ABCD4: variants seen among roughly 807,000 people sequenced by gnomAD.
The protein encoded by ABCD4 is lysosomal cobalamin transporter ABCD4.
In ABCD4, 53 loss-of-function variants were observed where a neutral mutation model predicts 86.3. That is an observed-to-expected ratio of 0.61 (90% CI 0.49 to 0.77). The LOEUF (loss-of-function observed/expected upper bound fraction) is 0.77. Among genes scored for constraint, ABCD4 ranks in the 30% least tolerant of loss-of-function variants. The pLI is 0.00. For synonymous variants in ABCD4, 328 were observed against 313.6 expected (o/e 1.05, Z -0.49); for missense variants, 757 against 764.5 (o/e 0.99, Z 0.12).
rs1410601095 is a variant in ABCD4, at chr14:74,295,986, T to C, written c.543-7A>G. On this transcript the variant is annotated splice_polypyrimidine_tract_variant and splice_region_variant and intron_variant, in intron 5 of 18. Coordinates refer to ENST00000356924, the MANE Select transcript of ABCD4 (RefSeq NM_005050.4). ...AGGCCCGAGCCAGCCTGTGCTGAAA[T>C]AGAGAGAGAGGGAGAGAAGGGAGAG... is the stretch of plus-strand genomic sequence containing the variant. The C allele has an allele frequency of 1.8e-5, 29 of 1,597,612 alleles. No homozygotes were observed. Among genetic ancestry groups the C allele is most frequent in the Admixed American group, 3.6e-5 (2 of 55,424 alleles).
rs773414987 is a variant in ABCD4 at position 74,288,770 on chromosome 14, A to G, written c.1457-5T>C. The G allele has an allele frequency of 5.0e-6, 8 of 1,613,252 alleles. No homozygotes were observed. In the South Asian group the frequency reaches 8.8e-5, roughly 18 times the overall value. On this transcript the variant is annotated splice_polypyrimidine_tract_variant and splice_region_variant and intron_variant, in intron 14 of 18. Transcript: ENST00000356924. ...TCCTCTCATCATCGGCAGAACCTGC[A>G]CAACAAAGAAGCCTTCTGCAAAAAG...
chr14:74,301,848 G>A (rs1441350246), intron 1 of ABCD4, among the ~76,000 whole-genome samples: 1 of 152,056 alleles, frequency 6.6e-6, no homozygotes, highest in Non-Finnish European at 1.5e-5. Flanking sequence ...GCAGTGAGCC[G>A]AGATCATGCC....
intron 1 of ABCD4, among the ~76,000 whole-genome samples, chr14:74,301,255 G>C (rs929349648): frequency 2.6e-5 from 4 of 151,982 alleles, no homozygotes; most frequent in East Asian, 3.9e-4. Context: ...TGCCTCCCGG[G>C]TTCAAGCGAC....
chr14:74,299,097 C>G (rs1399579667), intron 3 of ABCD4: 1 of 157,154 alleles, frequency 6.4e-6, no homozygotes, highest in Admixed American at 6.2e-5. Flanking sequence ...AGGTGGTAGC[C>G]CCCCTACTGA....
intron 4 of ABCD4, chr14:74,296,722 G>A (rs1257561506): frequency 1.4e-5 from 6 of 418,554 alleles, no homozygotes; most frequent in Admixed American, 7.7e-5. Context: ...AGGGGCCTGA[G>A]CCAGCTCTGA....
At chr14:74,291,410 T>C (rs2081458616) in intron 11 of ABCD4, among the ~76,000 whole-genome samples, 1 of 152,210 alleles carries the variant, frequency 6.6e-6, no homozygotes, top group African/African-American at 2.4e-5. Context: ...GCTAAGTAAC[T>C]GCCCAGGTTG....
intron 17 of ABCD4, among the ~76,000 whole-genome samples, chr14:74,287,566 A>G (rs866162320): frequency 4.0e-5 from 6 of 148,312 alleles, no homozygotes; most frequent in African/African-American, 7.9e-5. Flanking sequence ...AAAAAAAAAA[A>G]AAAAGAAAAG....
chr14:74,291,896 A>G (rs975076415), intron 11 of ABCD4, among the ~76,000 whole-genome samples: 1 of 152,196 alleles, frequency 6.6e-6, no homozygotes, highest in African/African-American at 2.4e-5. Flanking sequence ...GCACAGAAAT[A>G]TTACAGATCC....
intron 7 of ABCD4, 179 bp downstream of exon 7, chr14:74,294,969 C>A (rs1267714379): frequency 9.9e-6 from 7 of 705,124 alleles, no homozygotes; most frequent in Admixed American, 2.6e-5. Flanking sequence ...CAGAAGCAAA[C>A]CCCTGGACCT....
At chr14:74,287,696 A>C in intron 17 of ABCD4, 114 bp downstream of exon 17, 1 of 979,836 alleles carries the variant, frequency 1.0e-6, no homozygotes, top group Admixed American at 2.0e-5. Flanking sequence ...TCCAGCAGGG[A>C]ATGCGGAGAA....
chr14:74,292,275 C>T lies in ABCD4; in HGVS notation c.1118+12G>A. Reference sequence around the variant, plus strand: ...GCAGCCTCAACTACTGCTCTGCCAGCCCGCTACTCACGTGTCCAAGCCCCA... The same window carrying T: ...GCAGCCTCAACTACTGCTCTGCCAGTCCGCTACTCACGTGTCCAAGCCCCA... On this transcript the variant is annotated intron_variant, in intron 11 of 18. Coordinates refer to ENST00000356924, the MANE Select transcript of ABCD4 (RefSeq NM_005050.4). 2 of 1,613,596 alleles carry T rather than the reference C, an allele frequency of 1.2e-6. No homozygotes were observed.
intron 18 of ABCD4, 84 bp from the exon 19 acceptor site, chr14:74,286,613 C>T (rs556341901): frequency 1.2e-6 from 2 of 1,612,562 alleles, no homozygotes; most frequent in South Asian, 2.2e-5. Context: ...GCTACTGCTA[C>T]TCCCCGTTTT....
chr14:74,289,789 G>T, intron 13 of ABCD4: 3 of 1,436,978 alleles, frequency 2.1e-6, no homozygotes, highest in Non-Finnish European at 2.7e-6. Flanking sequence ...TACGCGTGTG[G>T]TATTTGGCGT....
chr14:74,286,332 G>T lies in ABCD4; in HGVS notation c.*129C>A, dbSNP rs1215742890. On this transcript the variant is annotated 3_prime_UTR_variant, in exon 19 of 19. Coordinates refer to ENST00000356924, the MANE Select transcript of ABCD4 (RefSeq NM_005050.4). The stretch of plus-strand genomic sequence containing the variant: ...CCACCACTGCTAGGGGTCCTGCACA[G>T]GACCCATGTGGCTCCTGCACGGGAT... The T allele has an allele frequency of 1.0e-6, 1 of 960,000 alleles. No individual in the cohort carries two copies. Among genetic ancestry groups the T allele is most frequent in the Non-Finnish European group, 1.6e-6 (1 of 612,542 alleles). The allele number at this position is 960,000 out of a possible 1,614,324, so 59.5% of individuals were successfully genotyped here.
chr14:74,290,306 A>G lies in ABCD4; in HGVS notation c.1312T>C (p.Trp438Arg). ...TGGCTCTCACCCCGTGTACTCGTCCAGAGGCCACCCAGAACCCGGAGCAAG... is the reference window on the plus strand; with the variant it reads ...TGGCTCTCACCCCGTGTACTCGTCCGGAGGCCACCCAGAACCCGGAGCAAG... ...TSLLRVLGGL[W>R]TSTRGSVQML... is the part of the protein sequence containing the mutation. Residue 438 changes from tryptophan (W) to arginine (R), a missense_variant, in exon 12 of 19, where the codon TGG becomes CGG. By Grantham distance (101) the Trp-to-Arg change is moderately radical. Coordinates refer to ENST00000356924, the MANE Select transcript of ABCD4 (RefSeq NM_005050.4). 6.2e-7 allele frequency: 1 copy of G among 1,614,192 alleles called. No homozygotes were observed. Among genetic ancestry groups the G allele is most frequent in the Non-Finnish European group, 8.5e-7 (1 of 1,180,030 alleles).
In ABCD4 at chr14:74,290,082, C is replaced by T. The variant is rs770803284; in HGVS notation, c.1364G>A (p.Gly455Glu). The stretch of plus-strand genomic sequence containing the variant: ...TGGCTTTTGTGGCAGGAATAGCACC[C>T]CATGGGGCCCAAAGTCCGTCAGCAT... The part of the protein sequence containing the change: ...VQMLTDFGPH[G>E]VLFLPQKPFF... Residue 455 changes from glycine (G) to glutamate (E), a missense_variant, in exon 13 of 19, where the codon GGG becomes GAG. Gly to Glu is a moderately conservative substitution (Grantham distance 98). Transcript: ENST00000356924. 1.7e-5 allele frequency: 27 copies of T among 1,613,992 alleles called. No individual in the cohort carries two copies. The highest frequency in any genetic ancestry group is 2.3e-5 in the Non-Finnish European group (27 of 1,180,028).
rs2301346 is a variant in ABCD4, at chr14:74,299,377, T to G, written c.285+171A>C. 2.7e-4 allele frequency: 214 copies of G among 796,122 alleles called. 1 individual carries two copies. The East Asian group carries it at 4.2e-3, about 15-fold the overall frequency. 49.3% of individuals were successfully genotyped at this position (796,122 alleles called of 1,614,324 possible). On this transcript the variant is annotated intron_variant, in intron 3 of 18. Transcript: ENST00000356924. ...GAGGAATCAGTCCCACGTGGGCCAA[T>G]AGCAAGATCAACGTGCTTAATAAAG... is the stretch of plus-strand genomic sequence containing the variant.
rs893768683 is a variant in ABCD4 at position 74,295,988 on chromosome 14, G to A, written c.543-9C>T. 4 of 1,589,836 alleles carry A rather than the reference G, an allele frequency of 2.5e-6. No homozygotes were observed. The highest frequency in any genetic ancestry group is 3.4e-6 in the Non-Finnish European group (4 of 1,170,824). ...GCCCGAGCCAGCCTGTGCTGAAATA[G>A]AGAGAGAGGGAGAGAAGGGAGAGGG... On this transcript the variant is annotated splice_polypyrimidine_tract_variant and intron_variant, in intron 5 of 18. Coordinates refer to ENST00000356924, the MANE Select transcript of ABCD4 (RefSeq NM_005050.4).
intron 6 of ABCD4, 69 bp from the exon 7 acceptor site, chr14:74,295,267 G>T: frequency 6.3e-7 from 1 of 1,583,196 alleles, no homozygotes; most frequent in South Asian, 1.1e-5. Flanking sequence ...TGGAGTCCTG[G>T]ATCACAAAGA....
Sources: gnomAD v4.1 joint callset for allele counts (sites outside exome capture counted in the v4.1 genomes callset) on GRCh38, gnomAD v4.1.1 for gene constraint, MANE v1.5 for transcripts, NCBI Gene and HGNC (gene_info 2026-07-23, HGNC 2026-07-21) for gene names.